Variants in PGM5 observed in about 807,000 individuals in gnomAD.
The protein encoded by PGM5 is phosphoglucomutase 5.
Under a neutral mutation model 59.2 loss-of-function variants are expected in PGM5, and 23 were observed. That is an observed-to-expected ratio of 0.39 (90% confidence interval 0.28 to 0.55). The LOEUF is 0.55. Among genes scored for constraint, PGM5 ranks in the 20% least tolerant of loss-of-function variants. The pLI is 0.66. For synonymous variants in PGM5, 214 were observed against 286.0 expected (o/e 0.75, Z 2.54); for missense variants, 574 against 748.3 (o/e 0.77, Z 2.72).
At chr9:68,483,843 G>A (rs782088543) in intron 8 of PGM5, 22 bp from the exon 9 acceptor site, 122 of 1,610,772 alleles carry the variant, frequency 7.6e-5, no homozygotes, top group Non-Finnish European at 1.0e-4. Context: ...TTAGGTTTCT[G>A]TTCCTCCTGT....
At chr9:68,490,378 C>T (rs574280118) in intron 9 of PGM5, among the ~76,000 whole-genome samples, 4 of 152,318 alleles carry the variant, frequency 2.6e-5, no homozygotes, top group Admixed American at 1.3e-4. Context: ...GACGGAGTCT[C>T]GCTCTGTCAC....
At chr9:68,413,578 T>G (rs1822972206) in intron 6 of PGM5, among the ~76,000 whole-genome samples, 1 of 152,226 alleles carries the variant, frequency 6.6e-6, no homozygotes, top group South Asian at 2.1e-4. Flanking sequence ...AAAAGTAAAG[T>G]TTGTATCTGA....
intron 10 of PGM5, among the ~76,000 whole-genome samples, chr9:68,499,614 C>T (rs1250212305): frequency 6.6e-6 from 1 of 152,220 alleles, no homozygotes; most frequent in African/African-American, 2.4e-5. Context: ...CCTCTCTTGA[C>T]TGTTGAGTGG....
chr9:68,452,668 C>T (rs1823716282), intron 6 of PGM5, among the ~76,000 whole-genome samples: 1 of 152,206 alleles, frequency 6.6e-6, no homozygotes, highest in Non-Finnish European at 1.5e-5. Context: ...GAACAGAGAA[C>T]ATGTCACTCA....
intron 10 of PGM5, among the ~76,000 whole-genome samples, chr9:68,503,517 A>G (rs894129945): frequency 7.2e-5 from 11 of 152,202 alleles, no homozygotes; most frequent in African/African-American, 2.7e-4. Flanking sequence ...CATTAAGTCG[A>G]TCCAGCCAAA....
chr9:68,477,116 G>A (rs1409006471), intron 7 of PGM5, among the ~76,000 whole-genome samples: 1 of 152,182 alleles, frequency 6.6e-6, no homozygotes, highest in South Asian at 2.1e-4. Flanking sequence ...TTTTGTAGCA[G>A]TGTAAAGAAT....
intron 10 of PGM5, 28 bp downstream of exon 10, chr9:68,499,389 T>TG: frequency 3.7e-6 from 6 of 1,607,650 alleles, no homozygotes; most frequent in Non-Finnish European, 5.1e-6. Context: ...CTCCCAGCAG[T>TG]GTGTCTCGCA....
chr9:68,470,835 A>G (rs1824008368), intron 7 of PGM5, among the ~76,000 whole-genome samples: 1 of 152,210 alleles, frequency 6.6e-6, no homozygotes, highest in African/African-American at 2.4e-5. Context: ...CTGTGGGGCT[A>G]TTTGAAACAG....
chr9:68,455,505 TAAA>T (rs36071391), intron 6 of PGM5, among the ~76,000 whole-genome samples: 3 of 140,532 alleles, frequency 2.1e-5, no homozygotes, highest in Non-Finnish European at 3.1e-5. Flanking sequence ...ATCTCTTAGT[TAAA>T]AAAAAAAAAA....
intron 9 of PGM5, among the ~76,000 whole-genome samples, chr9:68,488,635 T>C (rs1265128422): frequency 6.6e-6 from 1 of 152,162 alleles, no homozygotes; most frequent in Non-Finnish European, 1.5e-5. Flanking sequence ...TGCCTCCAAG[T>C]GTCTGATGCA....
At chr9:68,460,034 T>C (rs559570510) in intron 6 of PGM5, among the ~76,000 whole-genome samples, 2 of 152,322 alleles carry the variant, frequency 1.3e-5, no homozygotes, top group East Asian at 1.9e-4. Context: ...TTCTTGGCTC[T>C]TAAGAAAGTG....
chr9:68,356,621 G>A lies in PGM5; in HGVS notation c.-507G>A, dbSNP rs1159394274. Among the ~76,000 whole-genome samples, 7 of 152,428 alleles carry A rather than the reference G, an allele frequency of 4.6e-5. No individual in the cohort carries two copies. Among genetic ancestry groups the A allele is most frequent in the Non-Finnish European group, 1.0e-4 (7 of 68,050 alleles). On this transcript the variant is annotated 5_prime_UTR_variant, in exon 1 of 11. Transcript: ENST00000396396. ...GTGTGTGTAGGCTGCGCACTCCCAGGGAGACAGGGAGACGGGCCGGGCGCC... is the reference window on the plus strand; with the variant it reads ...GTGTGTGTAGGCTGCGCACTCCCAGAGAGACAGGGAGACGGGCCGGGCGCC...
At chr9:68,469,754 G>T (rs538408357) in intron 7 of PGM5, among the ~76,000 whole-genome samples, 1 of 152,186 alleles carries the variant, frequency 6.6e-6, no homozygotes, top group Non-Finnish European at 1.5e-5. Flanking sequence ...AATGCTTGTA[G>T]GATGGGTGGA....
At chr9:68,526,555 T>C (rs1824977809) in intron 10 of PGM5, among the ~76,000 whole-genome samples, 1 of 152,242 alleles carries the variant, frequency 6.6e-6, no homozygotes, top group Non-Finnish European at 1.5e-5. Flanking sequence ...ATTTTGATTT[T>C]GGCCCAAGAC....
intron 1 of PGM5, among the ~76,000 whole-genome samples, chr9:68,361,315 A>G (rs1474389615): frequency 1.3e-5 from 2 of 152,178 alleles, no homozygotes; most frequent in Non-Finnish European, 2.9e-5. Context: ...TTATTTAATG[A>G]AATTGATTGT....
intron 6 of PGM5, among the ~76,000 whole-genome samples, chr9:68,459,930 A>T (rs1416540461): frequency 2.0e-5 from 3 of 152,210 alleles, no homozygotes; most frequent in Admixed American, 6.5e-5. Context: ...TTTGTTAGAT[A>T]TATACGATGC....
chr9:68,444,810 C>A (rs1159256076), intron 6 of PGM5, among the ~76,000 whole-genome samples: 1 of 152,108 alleles, frequency 6.6e-6, no homozygotes, highest in Non-Finnish European at 1.5e-5. Flanking sequence ...ACTAAACACC[C>A]CTGGAGGGTG....
chr9:68,361,012 G>A (rs1834567471), intron 1 of PGM5, among the ~76,000 whole-genome samples: 1 of 152,122 alleles, frequency 6.6e-6, no homozygotes, highest in Non-Finnish European at 1.5e-5. Context: ...TCAAATTCCT[G>A]GGCTCAAGTG....
chr9:68,368,406 C>T (rs1351024821), intron 1 of PGM5, among the ~76,000 whole-genome samples: 1 of 151,094 alleles, frequency 6.6e-6, no homozygotes, highest in Non-Finnish European at 1.5e-5. Flanking sequence ...CAACATTGAT[C>T]AGGTAGCAAG....
Sources: allele counts gnomAD v4.1 joint callset (sites outside exome capture counted in the v4.1 genomes callset), GRCh38; gene constraint gnomAD v4.1.1; transcripts MANE v1.5; gene names NCBI Gene and HGNC (gene_info 2026-07-23, HGNC 2026-07-21).